The following SPICE1 variants were observed in gnomAD, a reference collection of about 807,000 sequenced individuals.
The protein encoded by SPICE1 is spindle and centriole-associated protein 1.
In SPICE1, 75 loss-of-function variants were observed where a neutral mutation model predicts 102.7. That is an observed-to-expected ratio of 0.73 (90% CI 0.61 to 0.88). The LOEUF (loss-of-function observed/expected upper bound fraction) is 0.88. Among genes scored for constraint, SPICE1 ranks in the 40% least tolerant of loss-of-function variants. The pLI is 0.00. For missense variants in SPICE1, 979 were observed against 1,020.1 expected, an observed-to-expected ratio of 0.96 and a Z score of 0.55; for synonymous variants, 308 against 350.3, an observed-to-expected ratio of 0.88 and a Z score of 1.35.
rs950893946 is a variant in SPICE1 at position 113,485,172 on chromosome 3, G to T, written c.611+3773C>A. ...ACACCAAACTAGCTGCAGGAGTTTT[G>T]TTTGTTTTTTTTTTTTTTTCCATAC... On this transcript the variant is annotated intron_variant, in intron 7 of 17. Coordinates refer to ENST00000295872, the MANE Select transcript of SPICE1 (RefSeq NM_144718.4). 9.7e-3 allele frequency among the ~76,000 whole-genome samples: 1,430 copies of T among 147,192 alleles called. 25 individuals carry two copies. The highest frequency in any genetic ancestry group is 0.033 in the African/African-American group (1,310 of 39,178).
intron 3 of SPICE1, 31 bp downstream of exon 3, chr3:113,503,149 T>A: frequency 6.3e-7 from 1 of 1,597,636 alleles, no homozygotes; most frequent in Non-Finnish European, 8.5e-7. Context: ...AAACACTGAA[T>A]AAATGACTTA....
At chr3:113,488,587 T>C (rs1936696282) in intron 7 of SPICE1, among the ~76,000 whole-genome samples, 1 of 152,138 alleles carries the variant, frequency 6.6e-6, no homozygotes, top group Non-Finnish European at 1.5e-5. Flanking sequence ...TAACAAACTT[T>C]GGAGACTCAG....
At chr3:113,454,529 T>C (rs1240099244) in intron 13 of SPICE1, among the ~76,000 whole-genome samples, 1 of 151,942 alleles carries the variant, frequency 6.6e-6, no homozygotes, top group Non-Finnish European at 1.5e-5. Context: ...GCCAACATAG[T>C]GAAACTCAGT....
chr3:113,482,702 G>A (rs1194258093), intron 7 of SPICE1, among the ~76,000 whole-genome samples: 1 of 152,184 alleles, frequency 6.6e-6, no homozygotes, highest in Non-Finnish European at 1.5e-5. Flanking sequence ...GTTTGTCAAA[G>A]GTCAGATGGT....
At position 113,465,798 on chromosome 3, in the gene SPICE1, T is replaced by C. The variant is rs1478702187; in HGVS notation, c.1156-14A>G. The C allele has an allele frequency of 1.4e-5, 23 of 1,606,226 alleles. No homozygotes were observed. The highest frequency in any genetic ancestry group is 2.0e-5 in the Non-Finnish European group (23 of 1,177,734). On this transcript the variant is annotated splice_polypyrimidine_tract_variant and intron_variant, in intron 10 of 17. Transcript: ENST00000295872. Reference sequence around the variant, plus strand: ...CTGGATCTCACTCTACAAAAAAATATCAAATAAACTTCCACCAATAGCATC... The same window carrying C: ...CTGGATCTCACTCTACAAAAAAATACCAAATAAACTTCCACCAATAGCATC...
intron 10 of SPICE1, among the ~76,000 whole-genome samples, chr3:113,466,093 G>C (rs1936050046): frequency 6.6e-6 from 1 of 152,110 alleles, no homozygotes; most frequent in South Asian, 2.1e-4. Flanking sequence ...ACCATCTCTA[G>C]AAAGATACAC....
In SPICE1 at chr3:113,480,931, A is replaced by AGAAAGAAAG. The variant is rs61284128; in HGVS notation, c.611+8013_611+8014insCTTTCTTTC. On this transcript the variant is annotated intron_variant, in intron 7 of 17. Transcript: ENST00000295872. Reference sequence around the variant, plus strand: ...AAAATTTAAAGAAAGAAAGAAAGAAAAAAGACCTCAGTACTAAAGCCAATA... The same window carrying AGAAAGAAAG: ...AAAATTTAAAGAAAGAAAGAAAGAAAGAAAGAAAGAAAGACCTCAGTACTAAAGCCAATA... Among the ~76,000 whole-genome samples, 5 of 143,710 alleles carry AGAAAGAAAG rather than the reference A, an allele frequency of 3.5e-5. 1 individual carries two copies. The highest frequency in any genetic ancestry group is 4.6e-5 in the Non-Finnish European group (3 of 65,710). The allele number at this position is 143,710 out of a possible 152,430, so 94.3% of individuals were successfully genotyped here.
At chr3:113,508,026 A>G in intron 1 of SPICE1, among the ~76,000 whole-genome samples, 1 of 152,142 alleles carries the variant, frequency 6.6e-6, no homozygotes, top group Non-Finnish European at 1.5e-5. Flanking sequence ...AGACAATTCA[A>G]CGGGGAAAGA....
intron 7 of SPICE1, among the ~76,000 whole-genome samples, chr3:113,487,586 G>A (rs1164863220): frequency 6.6e-6 from 1 of 152,058 alleles, no homozygotes; most frequent in East Asian, 1.9e-4. Context: ...TGATTCCAGG[G>A]AAGAGAAAGT....
rs140976776 is a variant in SPICE1, at chr3:113,504,093, C to T, written c.100-866G>A. 5.5e-3 allele frequency among the ~76,000 whole-genome samples: 844 copies of T among 152,150 alleles called. 8 individuals carry two copies. Among genetic ancestry groups the T allele is most frequent in the African/African-American group, 0.018 (766 of 41,502 alleles). On this transcript the variant is annotated intron_variant, in intron 2 of 17. Coordinates refer to ENST00000295872, the MANE Select transcript of SPICE1 (RefSeq NM_144718.4). The stretch of plus-strand genomic sequence containing the variant: ...AAACAGTCAGTTAAATTAAAAGGCA[C>T]TAAACTATCATGGCAGGGCTACCAC...
intron 11 of SPICE1, among the ~76,000 whole-genome samples, chr3:113,465,064 G>A (rs1223628970): frequency 6.7e-6 from 1 of 149,380 alleles, no homozygotes; most frequent in East Asian, 2.0e-4. Context: ...TCATGCCACT[G>A]CACTCCATCC....
chr3:113,514,971 G>A lies in SPICE1; in HGVS notation c.-75C>T, dbSNP rs185694790. 7.0e-4 allele frequency: 475 copies of A among 674,200 alleles called. 2 individuals are homozygous for A. The African/African-American group carries it at 8.5e-3, about 12-fold the overall frequency. The allele number at this position is 674,200 out of a possible 1,614,324, so 41.8% of individuals were successfully genotyped here. A position where few individuals can be genotyped will look rare whatever the true frequency, so the allele number is the denominator to read the frequency against. ...TCCCCAACCGGGCGCCTGGATCCCAGGCAACAGACAGATGCCACCACCGTT... is the reference window on the plus strand; with the variant it reads ...TCCCCAACCGGGCGCCTGGATCCCAAGCAACAGACAGATGCCACCACCGTT... On this transcript the variant is annotated 5_prime_UTR_variant, in exon 1 of 18. Coordinates refer to ENST00000295872, the MANE Select transcript of SPICE1 (RefSeq NM_144718.4).
chr3:113,514,873 C>A, intron 1 of SPICE1, 24 bp downstream of exon 1: 1 of 1,213,740 alleles, frequency 8.2e-7, no homozygotes, highest in Non-Finnish European at 1.0e-6. Context: ...ACAAACATAC[C>A]CAGACACGCA....
At chr3:113,452,858 A>C (rs1346997975) in intron 14 of SPICE1, among the ~76,000 whole-genome samples, 3 of 152,092 alleles carry the variant, frequency 2.0e-5, no homozygotes, top group Non-Finnish European at 4.4e-5. Flanking sequence ...CATGCCTGTA[A>C]TCCCAGCTAC....
chr3:113,465,645 C>T lies in SPICE1; in HGVS notation c.1287+8G>A, dbSNP rs1489709055. 6.2e-7 allele frequency: 1 copy of T among 1,610,676 alleles called. No homozygotes were observed. Among genetic ancestry groups the T allele is most frequent in the Non-Finnish European group, 8.5e-7 (1 of 1,179,124 alleles). The stretch of plus-strand genomic sequence containing the variant: ...GAACACATAAAAATTGGGATCTCAT[C>T]TGAGTACCTGTGTAGCAGCGTTTTC... On this transcript the variant is annotated splice_region_variant and intron_variant, in intron 11 of 17. Transcript: ENST00000295872.
At chr3:113,499,925 C>T (rs550341211) in intron 3 of SPICE1, among the ~76,000 whole-genome samples, 9 of 152,088 alleles carry the variant, frequency 5.9e-5, no homozygotes, top group Middle Eastern at 3.4e-3. Context: ...TGGGTCAAAA[C>T]CAGCATTTTT....
At chr3:113,488,896 C>T in intron 7 of SPICE1, 49 bp downstream of exon 7, 2 of 1,069,068 alleles carry the variant, frequency 1.9e-6, no homozygotes, top group Non-Finnish European at 2.8e-6. Flanking sequence ...ATTGAAATGG[C>T]CATGGAAAAA....
chr3:113,503,243 G>A lies in SPICE1; in HGVS notation c.100-16C>T. 6.4e-7 allele frequency: 1 copy of A among 1,552,134 alleles called. No individual in the cohort carries two copies. The highest frequency in any genetic ancestry group is 1.3e-5 in the South Asian group (1 of 79,678). On this transcript the variant is annotated splice_polypyrimidine_tract_variant and intron_variant, in intron 2 of 17. Coordinates refer to ENST00000295872, the MANE Select transcript of SPICE1 (RefSeq NM_144718.4). The stretch of plus-strand genomic sequence containing the variant: ...TCACGGTATTCTGTAAAAAAAGGTG[G>A]CCTTTCTTTAAAAAAAAAAAAAAGT...
chr3:113,444,078 C>G lies in SPICE1; in HGVS notation c.*1229G>C, dbSNP rs146574347. The stretch of plus-strand genomic sequence containing the variant: ...TTATCAAAATATATGAGTCTAAACA[C>G]AAGTAATCTCAGTTTGAATTGTTCA... On this transcript the variant is annotated 3_prime_UTR_variant, in exon 18 of 18. Transcript: ENST00000295872. 1.3e-5 allele frequency: 2 copies of G among 152,132 alleles called. No individual in the cohort carries two copies. Among genetic ancestry groups the G allele is most frequent in the Non-Finnish European group, 2.9e-5 (2 of 68,030 alleles). The allele number at this position is 152,132 out of a possible 1,614,324, so 9.4% of individuals were successfully genotyped here.
Sources: allele counts gnomAD v4.1 joint callset (sites outside exome capture counted in the v4.1 genomes callset), GRCh38; gene constraint gnomAD v4.1.1; transcripts MANE v1.5; gene names NCBI Gene and HGNC (gene_info 2026-07-23, HGNC 2026-07-21).